Variants in SLC25A21 observed in about 807,000 individuals in gnomAD.
SLC25A21 encodes the protein mitochondrial 2-oxodicarboxylate carrier.
In SLC25A21, 47 loss-of-function variants were observed where a neutral mutation model predicts 43.8. The observed-to-expected ratio is 1.07, with a 90% CI of 0.85 to 1.37. The LOEUF is 1.37. SLC25A21 is among the 40% of genes most tolerant of loss of function. SLC25A21 has a pLI of 0.00. For missense variants in SLC25A21, 352 were observed against 350.2 expected (o/e 1.00, Z -0.04); for synonymous variants, 131 against 121.3 (o/e 1.08, Z -0.52).
rs767578312 is a variant in SLC25A21, at chr14:36,950,024, G to A, written c.71-75020C>T. On this transcript the variant is annotated intron_variant, in intron 1 of 9. Transcript: ENST00000331299. ...ATGTACAGTCTGACTCTCCAAGAAGGGGATGTAGTATGCAGAGTTCTCCAA... is the reference window on the plus strand; with the variant it reads ...ATGTACAGTCTGACTCTCCAAGAAGAGGATGTAGTATGCAGAGTTCTCCAA... 4.6e-5 allele frequency among the ~76,000 whole-genome samples: 7 copies of A among 152,106 alleles called. No homozygotes were observed. In the South Asian group the frequency reaches 6.2e-4, roughly 14 times the overall value.
intron 2 of SLC25A21, among the ~76,000 whole-genome samples, chr14:36,871,718 G>A (rs1594656119): frequency 6.6e-6 from 1 of 152,180 alleles, no homozygotes; most frequent in Non-Finnish European, 1.5e-5. Context: ...AGTATTCCGA[G>A]AGTACTGGAT....
intron 1 of SLC25A21, among the ~76,000 whole-genome samples, chr14:37,100,695 G>C (rs1227489563): frequency 6.6e-6 from 1 of 152,184 alleles, no homozygotes; most frequent in Non-Finnish European, 1.5e-5. Flanking sequence ...TATCCTCTTG[G>C]AAGGACAGAT....
At chr14:36,878,053 G>A (rs778965448) in intron 1 of SLC25A21, among the ~76,000 whole-genome samples, 6 of 152,034 alleles carry the variant, frequency 3.9e-5, no homozygotes, top group African/African-American at 7.2e-5. Flanking sequence ...TTTAATCCCC[G>A]CAGTGCTCCC....
intron 1 of SLC25A21, among the ~76,000 whole-genome samples, chr14:37,115,137 T>C (rs1254347598): frequency 1.3e-5 from 2 of 152,174 alleles, no homozygotes; most frequent in Non-Finnish European, 2.9e-5. Flanking sequence ...TGAGACCAAG[T>C]GTCCTAGACG....
intron 1 of SLC25A21, among the ~76,000 whole-genome samples, chr14:37,044,806 C>CT: frequency 6.6e-6 from 1 of 152,262 alleles, no homozygotes; most frequent in South Asian, 2.1e-4. Flanking sequence ...TGATCTCCAA[C>CT]TTTTTTGGTT....
At chr14:37,077,783 T>C (rs2138834148) in intron 1 of SLC25A21, among the ~76,000 whole-genome samples, 1 of 152,292 alleles carries the variant, frequency 6.6e-6, no homozygotes, top group East Asian at 1.9e-4. Context: ...TAAATCCCTA[T>C]AATATACAGT....
intron 3 of SLC25A21, among the ~76,000 whole-genome samples, chr14:36,760,749 T>G (rs974385927): frequency 3.3e-5 from 5 of 152,160 alleles, no homozygotes; most frequent in African/African-American, 1.2e-4. Flanking sequence ...ACTGATGATA[T>G]GGAATGCCAG....
chr14:36,684,683 A>G, intron 8 of SLC25A21, 61 bp downstream of exon 8: 1 of 1,480,060 alleles, frequency 6.8e-7, no homozygotes, highest in Non-Finnish European at 9.1e-7. Context: ...TGGAAGGACA[A>G]TACGGTTCTA....
intron 1 of SLC25A21, among the ~76,000 whole-genome samples, chr14:37,110,864 A>G (rs17106324): frequency 0.025 from 3,762 of 152,298 alleles, 126 homozygotes; most frequent in Admixed American, 0.092. Flanking sequence ...AACTATTGGA[A>G]GAACTTGTCT....
intron 1 of SLC25A21, among the ~76,000 whole-genome samples, chr14:37,110,907 C>T (rs538632244): frequency 4.0e-5 from 6 of 151,588 alleles, no homozygotes; most frequent in African/African-American, 1.2e-4. Flanking sequence ...CTTATTCTAT[C>T]GCTCTAAAAA....
intron 7 of SLC25A21, among the ~76,000 whole-genome samples, chr14:36,689,274 C>A (rs561352528): frequency 3.3e-5 from 5 of 152,188 alleles, no homozygotes; most frequent in Admixed American, 2.0e-4. Flanking sequence ...CATGGGAAAA[C>A]CTGCCTCCAT....
At chr14:37,131,639 A>G (rs1203757705) in intron 1 of SLC25A21, among the ~76,000 whole-genome samples, 1 of 152,204 alleles carries the variant, frequency 6.6e-6, no homozygotes, top group African/African-American at 2.4e-5. Flanking sequence ...CACCTATATT[A>G]TTTTAATTAA....
chr14:36,845,655 T>C (rs917326129), intron 2 of SLC25A21, among the ~76,000 whole-genome samples: 13 of 152,260 alleles, frequency 8.5e-5, no homozygotes, highest in Admixed American at 5.9e-4. Flanking sequence ...TATGATCCAA[T>C]TGATGGACAA....
intron 7 of SLC25A21, among the ~76,000 whole-genome samples, chr14:36,687,909 C>G (rs952834301): frequency 1.3e-5 from 2 of 152,150 alleles, no homozygotes; most frequent in African/African-American, 4.8e-5. Flanking sequence ...TTTGGTATCT[C>G]CCTACTCAAA....
At chr14:36,693,137 T>C (rs1882863476) in intron 7 of SLC25A21, among the ~76,000 whole-genome samples, 1 of 152,248 alleles carries the variant, frequency 6.6e-6, no homozygotes. Context: ...TTTATTGTAG[T>C]AATACATTTT....
intron 1 of SLC25A21, among the ~76,000 whole-genome samples, chr14:36,924,594 G>A (rs984133838): frequency 1.3e-5 from 2 of 152,018 alleles, no homozygotes; most frequent in African/African-American, 4.8e-5. Context: ...GTTAATGGGT[G>A]CAGCACACCA....
At chr14:36,963,179 A>T (rs1959534824) in intron 1 of SLC25A21, among the ~76,000 whole-genome samples, 1 of 152,164 alleles carries the variant, frequency 6.6e-6, no homozygotes, top group Non-Finnish European at 1.5e-5. Flanking sequence ...AAAGCTTAGT[A>T]CATATCCCCC....
At chr14:37,168,780 G>A (rs924733191) in intron 1 of SLC25A21, among the ~76,000 whole-genome samples, 2 of 152,120 alleles carry the variant, frequency 1.3e-5, no homozygotes, top group African/African-American at 4.8e-5. Context: ...GACTGAGGAG[G>A]ACACCAGGGG....
intron 1 of SLC25A21, among the ~76,000 whole-genome samples, chr14:36,992,649 T>C (rs1960289451): frequency 6.6e-6 from 1 of 152,166 alleles, no homozygotes; most frequent in Non-Finnish European, 1.5e-5. Context: ...TCTAGAATGT[T>C]AGTTTTTGTA....
Sources: gnomAD v4.1 joint callset for allele counts (sites outside exome capture counted in the v4.1 genomes callset) on GRCh38, gnomAD v4.1.1 for gene constraint, MANE v1.5 for transcripts, NCBI Gene and HGNC (gene_info 2026-07-23, HGNC 2026-07-21) for gene names.